OTX2: variants seen among roughly 807,000 people sequenced by gnomAD.
OTX2 encodes homeobox protein OTX2.
In OTX2, 4 loss-of-function variants were observed where a neutral mutation model predicts 29.0. The ratio of observed to expected loss-of-function variants is 0.14; its 90% CI spans 0.07 to 0.32. OTX2 has a LOEUF of 0.32. Among genes scored for constraint, OTX2 ranks in the 10% least tolerant of loss-of-function variants. The probability of loss-of-function intolerance (pLI) is 1.00; values close to 1 mark genes in which losing one functional copy is unlikely to be tolerated. For synonymous variants in OTX2, 134 were observed against 141.0 expected, an observed-to-expected ratio of 0.95 and a Z score of 0.35; for missense variants, 298 against 365.9, an observed-to-expected ratio of 0.81 and a Z score of 1.51.
At chr14:56,803,441 C>T (rs1220325916) in intron 4 of OTX2, among the ~76,000 whole-genome samples, 4 of 152,230 alleles carry the variant, frequency 2.6e-5, no homozygotes, top group African/African-American at 9.6e-5. Flanking sequence ...GCAGCTGACA[C>T]TGATGTCTGT....
At chr14:56,805,095 C>T (rs1360594216) in intron 3 of OTX2, among the ~76,000 whole-genome samples, 1 of 152,188 alleles carries the variant, frequency 6.6e-6, no homozygotes, top group Non-Finnish European at 1.5e-5. Flanking sequence ...GATGCCAATC[C>T]TTATTTACTC....
Position 56,802,177 on chromosome 14 carries a change from G to A in OTX2, c.452C>T (p.Ala151Val), listed in dbSNP as rs748631596. Reference protein sequence around the residue: ...PPSSTSVPTIASSSAPVSIWS... With the variant: ...PPSSTSVPTIVSSSAPVSIWS... Reference sequence around the variant, plus strand: ...GATAGACACAGGAGCACTGCTGCTGGCAATGGTCGGGACTGAGGTGCTAGA... The same window carrying A: ...GATAGACACAGGAGCACTGCTGCTGACAATGGTCGGGACTGAGGTGCTAGA... Residue 151 changes from alanine (A) to valine (V), a missense_variant, in exon 5 of 5, where the codon GCC becomes GTC. Transcript: ENST00000672264. The surrounding 1 kb of genome is among the most constrained non-coding windows in gnomAD (Gnocchi z 4.4). The A allele has an allele frequency of 3.1e-6, 5 of 1,614,084 alleles. No individual in the cohort carries two copies. The highest frequency in any genetic ancestry group is 2.2e-5 in the East Asian group (1 of 44,886).
chr14:56,809,640 C>G (rs559561513), intron 2 of OTX2, among the ~76,000 whole-genome samples: 99 of 152,130 alleles, frequency 6.5e-4, no homozygotes, highest in African/African-American at 2.3e-3. Flanking sequence ...GACCCGCAAG[C>G]GAACCGAGCT....
intron 3 of OTX2, among the ~76,000 whole-genome samples, chr14:56,805,036 G>A (rs945146149): frequency 1.3e-5 from 2 of 152,086 alleles, no homozygotes; most frequent in Non-Finnish European, 2.9e-5. Flanking sequence ...ATATGGGTAG[G>A]GGTCTTTTGC....
rs770486100 is a variant in OTX2, at chr14:56,802,178, C to A, written c.451G>T (p.Ala151Ser). 25 of 1,613,916 alleles carry A rather than the reference C, an allele frequency of 1.5e-5. No homozygotes were observed. Among genetic ancestry groups the A allele is most frequent in the Non-Finnish European group, 1.9e-5 (23 of 1,179,930 alleles). ...ATAGACACAGGAGCACTGCTGCTGG[C>A]AATGGTCGGGACTGAGGTGCTAGAG... is the stretch of plus-strand genomic sequence containing the variant. ...PPSSTSVPTIASSSAPVSIWS... is the reference protein window; with the variant it reads ...PPSSTSVPTISSSSAPVSIWS... The change falls in exon 5 of 5, where the codon GCC (alanine) becomes TCC (serine). Residue 151 changes from alanine to serine, a missense_variant. Around this residue, in one of 3 missense-constraint regions of OTX2, gnomAD observed 219 missense variants for 223.5 expected, o/e 0.98. Coordinates refer to ENST00000672264, the MANE Select transcript of OTX2 (RefSeq NM_021728.4). The surrounding 1 kb of genome is among the most constrained non-coding windows in gnomAD (Gnocchi z 4.4).
At chr14:56,808,483 C>T (rs1017186939) in intron 2 of OTX2, among the ~76,000 whole-genome samples, 1 of 152,156 alleles carries the variant, frequency 6.6e-6, no homozygotes, top group African/African-American at 2.4e-5. Flanking sequence ...AATCAAATAA[C>T]TCTGCCACCC....
Position 56,802,629 on chromosome 14 carries a change from A to C in OTX2, c.274-274T>G, listed in dbSNP as rs1379782282. Among the ~76,000 whole-genome samples, 1 of 152,156 alleles carries C rather than the reference A, an allele frequency of 6.6e-6. No individual in the cohort carries two copies. The highest frequency in any genetic ancestry group is 2.4e-5 in the African/African-American group (1 of 41,440). ...CAAATCATATAGCTAAAAACTCTCCACATCACTTTCCTATCTTATTTCGCC... is the reference window on the plus strand; with the variant it reads ...CAAATCATATAGCTAAAAACTCTCCCCATCACTTTCCTATCTTATTTCGCC... On this transcript the variant is annotated intron_variant, in intron 4 of 4. Transcript: ENST00000672264. This position sits in a 1 kb window ranked among gnomAD's most constrained non-coding sequence, Gnocchi z 4.4.
At position 56,804,986 on chromosome 14, in the gene OTX2, G is replaced by T. The variant is rs1892029247; in HGVS notation, c.97+374C>A. Among the ~76,000 whole-genome samples the T allele has an allele frequency of 6.6e-6, 1 of 152,200 alleles. No homozygotes were observed. The highest frequency in any genetic ancestry group is 1.9e-4 in the East Asian group (1 of 5,186). On this transcript the variant is annotated intron_variant, in intron 3 of 4. Coordinates refer to ENST00000672264, the MANE Select transcript of OTX2 (RefSeq NM_021728.4). This position sits in a 1 kb window ranked among gnomAD's most constrained non-coding sequence, Gnocchi z 4.1. ...TAAGGACTTACGGAGGGAAAACTCA[G>T]CTTCTCCAAGAGGACACTTCTGAGG...
chr14:56,804,021 G>A lies in OTX2; in HGVS notation c.273+167C>T, dbSNP rs1365769423. On this transcript the variant is annotated intron_variant, in intron 4 of 4. Transcript: ENST00000672264. The surrounding 1 kb of genome is among the most constrained non-coding windows in gnomAD (Gnocchi z 4.1). ...TTGCTTACGGGATTAAGTGGTGACG[G>A]GCAGGCAAAAAAGGGCAGAAGGAGA... Among the ~76,000 whole-genome samples the A allele has an allele frequency of 6.6e-6, 1 of 151,806 alleles. No individual in the cohort carries two copies. Among genetic ancestry groups the A allele is most frequent in the African/African-American group, 2.4e-5 (1 of 41,360 alleles).
Position 56,804,057 on chromosome 14 carries a change from G to T in OTX2, c.273+131C>A. The T allele has an allele frequency of 1.9e-6, 2 of 1,079,614 alleles. No individual in the cohort carries two copies. Among genetic ancestry groups the T allele is most frequent in the Non-Finnish European group, 1.4e-6 (1 of 717,082 alleles). 66.9% of individuals were successfully genotyped at this position (1,079,614 alleles called of 1,614,324 possible). On this transcript the variant is annotated intron_variant, in intron 4 of 4. Coordinates refer to ENST00000672264, the MANE Select transcript of OTX2 (RefSeq NM_021728.4). The surrounding 1 kb of genome is among the most constrained non-coding windows in gnomAD (Gnocchi z 4.1). Reference sequence around the variant, plus strand: ...AAGGGCAGAAGGAGAATAGTTTCCTGGCCCCTTAGTGAGTGAAGGAGAATT... The same window carrying T: ...AAGGGCAGAAGGAGAATAGTTTCCTTGCCCCTTAGTGAGTGAAGGAGAATT...
chr14:56,809,438 C>A (rs1225524575), intron 2 of OTX2, among the ~76,000 whole-genome samples: 2 of 132,766 alleles, frequency 1.5e-5, no homozygotes. Context: ...AAAAGGAGAT[C>A]TGGAAGCTTT....
chr14:56,804,396 G>C lies in OTX2; in HGVS notation c.98-33C>G. 6.3e-7 allele frequency: 1 copy of C among 1,596,324 alleles called. No homozygotes were observed. Among genetic ancestry groups the C allele is most frequent in the East Asian group, 2.2e-5 (1 of 44,614 alleles). Reference sequence around the variant, plus strand: ...GTGGGGGAGCAGTTTCTCAGTCATAGGCGTTTCCGCGGGTTCTCCGACGCC... The same window carrying C: ...GTGGGGGAGCAGTTTCTCAGTCATACGCGTTTCCGCGGGTTCTCCGACGCC... On this transcript the variant is annotated intron_variant, in intron 3 of 4. Transcript: ENST00000672264. The surrounding 1 kb of genome is among the most constrained non-coding windows in gnomAD (Gnocchi z 4.1).
In OTX2 at chr14:56,802,073, T is replaced by C. The variant is rs1344213875; in HGVS notation, c.556A>G (p.Thr186Ala). ...CTATAACCTGAAGCCTGAGTATAGG[T>C]CATGGGATAGGACCTCTGCATGCAG... ...SSCMQRSYPM[T>A]YTQASGYSQG... Residue 186 changes from threonine to alanine, a missense_variant, in exon 5 of 5, where the codon ACC (threonine) becomes GCC (alanine). Transcript: ENST00000672264. This position sits in a 1 kb window ranked among gnomAD's most constrained non-coding sequence, Gnocchi z 4.4. 2.5e-6 allele frequency: 4 copies of C among 1,613,904 alleles called. No individual in the cohort carries two copies. Among genetic ancestry groups the C allele is most frequent in the Non-Finnish European group, 3.4e-6 (4 of 1,180,022 alleles).
intron 2 of OTX2, among the ~76,000 whole-genome samples, chr14:56,807,983 C>T (rs752924567): frequency 4.7e-5 from 3 of 63,622 alleles, no homozygotes; most frequent in South Asian, 4.7e-4. Flanking sequence ...AGCCCCGCAG[C>T]CCCGCAGCCC....
At chr14:56,803,237 A>G (rs2139531422) in intron 4 of OTX2, among the ~76,000 whole-genome samples, 1 of 152,306 alleles carries the variant, frequency 6.6e-6, no homozygotes, top group East Asian at 1.9e-4. Context: ...TGGAGGACAA[A>G]TCCTTAGCTG....
At chr14:56,805,029 T>C (rs550568711) in intron 3 of OTX2, among the ~76,000 whole-genome samples, 9 of 152,248 alleles carry the variant, frequency 5.9e-5, no homozygotes, top group African/African-American at 1.7e-4. Flanking sequence ...CATTGAGATA[T>C]GGGTAGGGGT....
At chr14:56,809,001 C>T (rs1892184547) in intron 2 of OTX2, among the ~76,000 whole-genome samples, 1 of 152,204 alleles carries the variant, frequency 6.6e-6, no homozygotes, top group South Asian at 2.1e-4. Context: ...ATGGTTCTTA[C>T]TGGGCCGATC....
In OTX2 at chr14:56,802,424, T is replaced by C. The variant is rs1383656591; in HGVS notation, c.274-69A>G. 6.5e-7 allele frequency: 1 copy of C among 1,544,458 alleles called. No homozygotes were observed. ...CTTAAGGACAAGAATGGCTCCCGTA[T>C]TATAAATCTATCCTACATGGGCAGA... is the stretch of plus-strand genomic sequence containing the variant. On this transcript the variant is annotated intron_variant, in intron 4 of 4. Coordinates refer to ENST00000672264, the MANE Select transcript of OTX2 (RefSeq NM_021728.4). This position sits in a 1 kb window ranked among gnomAD's most constrained non-coding sequence, Gnocchi z 4.4.
At chr14:56,809,204 G>C (rs1040409628) in intron 2 of OTX2, among the ~76,000 whole-genome samples, 13 of 152,190 alleles carry the variant, frequency 8.5e-5, no homozygotes, top group African/African-American at 3.1e-4. Flanking sequence ...CGCGGCCTTG[G>C]GCGGAGCAGG....
Sources: allele counts gnomAD v4.1 joint callset (sites outside exome capture counted in the v4.1 genomes callset), GRCh38; gene constraint gnomAD v4.1.1; regional missense constraint gnomAD v4.1.1; non-coding constraint Gnocchi (gnomAD v3.1); transcripts MANE v1.5; gene names NCBI Gene and HGNC (gene_info 2026-07-23, HGNC 2026-07-21).